The following RBM47 variants were observed in gnomAD, a reference collection of about 807,000 sequenced individuals.
The protein encoded by RBM47 is RNA binding motif protein 47, also known as RNA-binding protein 47.
In RBM47, 21 loss-of-function variants were observed where a neutral mutation model predicts 47.1. The observed-to-expected ratio is 0.45, with a 90% CI of 0.32 to 0.64. RBM47 has a LOEUF of 0.64. Among genes scored for constraint, RBM47 ranks in the 30% least tolerant of loss-of-function variants. RBM47 has a pLI of 0.05. For missense variants in RBM47, 708 were observed against 870.9 expected, an observed-to-expected ratio of 0.81 and a Z score of 2.35; for synonymous variants, 375 against 361.7, an observed-to-expected ratio of 1.04 and a Z score of -0.42.
rs192441320 is a variant in RBM47, at chr4:40,528,342, G to A, written c.-155+16080C>T. On this transcript the variant is annotated intron_variant, in intron 2 of 6. Coordinates refer to ENST00000295971, the MANE Select transcript of RBM47 (RefSeq NM_001098634.2). The stretch of plus-strand genomic sequence containing the variant: ...GAGAATCCCTTGAAACCAGGAGGCC[G>A]AGGTTGCAGTGAGCTGAGATCGTGC... Among the ~76,000 whole-genome samples the A allele has an allele frequency of 4.2e-3, 632 of 152,128 alleles. 2 individuals are homozygous for A. Among genetic ancestry groups the A allele is most frequent in the Non-Finnish European group, 7.0e-3 (475 of 67,996 alleles).
At chr4:40,575,084 A>C (rs2154269650) in intron 1 of RBM47, among the ~76,000 whole-genome samples, 1 of 152,268 alleles carries the variant, frequency 6.6e-6, no homozygotes, top group Non-Finnish European at 1.5e-5. Context: ...GGCTTCTAAT[A>C]AGCACAGGCA....
chr4:40,555,537 A>G (rs1729997740), intron 1 of RBM47, among the ~76,000 whole-genome samples: 1 of 152,210 alleles, frequency 6.6e-6, no homozygotes, highest in Non-Finnish European at 1.5e-5. Context: ...TCTTTCTAAA[A>G]TCTGAAATGT....
At chr4:40,615,431 A>T (rs746917457) in intron 1 of RBM47, among the ~76,000 whole-genome samples, 10 of 152,152 alleles carry the variant, frequency 6.6e-5, no homozygotes, top group Non-Finnish European at 1.5e-4. Flanking sequence ...TGACAAAAGT[A>T]AGTACTGTTC....
intron 2 of RBM47, among the ~76,000 whole-genome samples, chr4:40,522,739 A>G (rs1228997407): frequency 6.6e-6 from 1 of 152,140 alleles, no homozygotes; most frequent in Non-Finnish European, 1.5e-5. Context: ...TATCAAGACA[A>G]TCATCAAAGA....
At chr4:40,540,822 A>C (rs1728462563) in intron 2 of RBM47, among the ~76,000 whole-genome samples, 1 of 150,900 alleles carries the variant, frequency 6.6e-6, no homozygotes, top group Admixed American at 6.6e-5. Flanking sequence ...GCTAACTTTA[A>C]GATTCATTAT....
intron 2 of RBM47, among the ~76,000 whole-genome samples, chr4:40,488,191 G>A (rs1298244046): frequency 6.6e-6 from 1 of 152,032 alleles, no homozygotes; most frequent in Non-Finnish European, 1.5e-5. Flanking sequence ...GTGCGCACCT[G>A]TAATCGCCAC....
intron 1 of RBM47, among the ~76,000 whole-genome samples, chr4:40,591,844 T>C (rs1192561982): frequency 5.3e-5 from 8 of 152,138 alleles, no homozygotes; most frequent in Non-Finnish European, 1.2e-4. Context: ...ACAGGACACG[T>C]ACAAGTGAAG....
At chr4:40,601,263 C>T (rs1468308630) in intron 1 of RBM47, among the ~76,000 whole-genome samples, 1 of 152,188 alleles carries the variant, frequency 6.6e-6, no homozygotes, top group Non-Finnish European at 1.5e-5. Context: ...AATAGAGACA[C>T]TGGTAACAGC....
chr4:40,438,368 C>T lies in RBM47; in HGVS notation c.526G>A (p.Glu176Lys), dbSNP rs745735810. 2.9e-5 allele frequency: 46 copies of T among 1,612,336 alleles called. No homozygotes were observed. The highest frequency in any genetic ancestry group is 3.8e-5 in the Non-Finnish European group (45 of 1,179,974). ...TAGACGATCACGTCCAGCACGCCCT[C>T]GGTGACCTTGGCAATCTCCTCCAGG... ...EILEEIAKVT[E>K]GVLDVIVYAS... The change falls in exon 4 of 7, where the codon GAG (glutamate) becomes AAG (lysine). Residue 176 changes from glutamate to lysine, a missense_variant. By Grantham distance (56) the Glu-to-Lys change is moderately conservative. Coordinates refer to ENST00000295971, the MANE Select transcript of RBM47 (RefSeq NM_001098634.2).
At chr4:40,435,421 C>T (rs529812776) in intron 5 of RBM47, among the ~76,000 whole-genome samples, 6 of 152,120 alleles carry the variant, frequency 3.9e-5, no homozygotes, top group African/African-American at 7.2e-5. Flanking sequence ...TGGTGGTGCG[C>T]GCCTGTAGTT....
At position 40,423,344 on chromosome 4, in the gene RBM47, C is replaced by A. The variant is rs1257005055; in HGVS notation, c.*2560G>T. ...GAATGTACTGTAAATGGAGCAAGATCTAAATAAAAGCTTTTCAAATATAAA... is the reference window on the plus strand; with the variant it reads ...GAATGTACTGTAAATGGAGCAAGATATAAATAAAAGCTTTTCAAATATAAA... On this transcript the variant is annotated 3_prime_UTR_variant, in exon 7 of 7. Transcript: ENST00000295971. 6.6e-6 allele frequency: 1 copy of A among 151,952 alleles called. No homozygotes were observed. Among genetic ancestry groups the A allele is most frequent in the East Asian group, 1.9e-4 (1 of 5,198 alleles). The allele number at this position is 151,952 out of a possible 1,614,324, so 9.4% of individuals were successfully genotyped here.
chr4:40,448,584 A>T (rs1714917251), intron 3 of RBM47, among the ~76,000 whole-genome samples: 1 of 152,188 alleles, frequency 6.6e-6, no homozygotes, highest in Non-Finnish European at 1.5e-5. Flanking sequence ...AATGCACATA[A>T]GAGCAAAGGC....
chr4:40,429,891 T>C lies in RBM47; in HGVS notation c.1542+2760A>G, dbSNP rs186400844. On this transcript the variant is annotated intron_variant, in intron 6 of 6. Coordinates refer to ENST00000295971, the MANE Select transcript of RBM47 (RefSeq NM_001098634.2). ...AAGGTAGGGGAGGATAAGCAAAGAC[T>C]GCAAATAAGAACCCTGATGGTGGCC... 7.2e-5 allele frequency among the ~76,000 whole-genome samples: 11 copies of C among 151,824 alleles called. No homozygotes were observed. The East Asian group carries it at 2.1e-3, about 30-fold the overall frequency.
intron 2 of RBM47, among the ~76,000 whole-genome samples, chr4:40,511,241 C>G (rs73147507): frequency 0.031 from 4,721 of 152,280 alleles, 212 homozygotes; most frequent in African/African-American, 0.099. Context: ...CTTAACAAAG[C>G]CATACAGCTC....
chr4:40,572,851 C>T (rs1189789792), intron 1 of RBM47, among the ~76,000 whole-genome samples: 1 of 151,800 alleles, frequency 6.6e-6, no homozygotes, highest in Non-Finnish European at 1.5e-5. Flanking sequence ...TTAAAATTCA[C>T]CACAAAATTG....
chr4:40,517,525 T>C (rs1213788014), intron 2 of RBM47, among the ~76,000 whole-genome samples: 1 of 152,144 alleles, frequency 6.6e-6, no homozygotes. Flanking sequence ...TATACTTAAA[T>C]TTTGATAAAA....
intron 6 of RBM47, 174 bp from the exon 7 acceptor site, chr4:40,426,317 G>T: frequency 2.5e-6 from 2 of 786,404 alleles, no homozygotes; most frequent in Non-Finnish European, 3.9e-6. Context: ...AAGAGCCACT[G>T]AAGAGGTAAG....
intron 1 of RBM47, among the ~76,000 whole-genome samples, chr4:40,606,910 G>C (rs1735810662): frequency 6.6e-6 from 1 of 152,092 alleles, no homozygotes; most frequent in Admixed American, 6.6e-5. Flanking sequence ...TTGAGACCAG[G>C]AGATCGAGGC....
At chr4:40,451,845 T>C (rs997155844) in intron 3 of RBM47, among the ~76,000 whole-genome samples, 6 of 152,146 alleles carry the variant, frequency 3.9e-5, no homozygotes, top group African/African-American at 1.4e-4. Flanking sequence ...GCATGTTCCT[T>C]GGAGTTCACA....
Sources: gnomAD v4.1 joint callset for allele counts (sites outside exome capture counted in the v4.1 genomes callset) on GRCh38, gnomAD v4.1.1 for gene constraint, MANE v1.5 for transcripts, NCBI Gene and HGNC (gene_info 2026-07-23, HGNC 2026-07-21) for gene names.